The following DSCAM variants were observed in gnomAD, a reference collection of about 807,000 sequenced individuals.
DSCAM encodes the protein DS cell adhesion molecule.
DSCAM carries 47 observed loss-of-function variants against 217.7 expected under a neutral mutation model. The ratio of observed to expected loss-of-function variants is 0.22; its 90% CI spans 0.17 to 0.28. The LOEUF (loss-of-function observed/expected upper bound fraction) is 0.28. Ranked by LOEUF, DSCAM falls within the 10% of genes least tolerant of loss-of-function variation. The pLI is 1.00. For missense variants in DSCAM, 2,080 were observed against 2,618.3 expected (o/e 0.79, Z 4.49); for synonymous variants, 1,056 against 1,015.3 (o/e 1.04, Z -0.76).
At chr21:40,329,524 G>A (rs950521144) in intron 8 of DSCAM, among the ~76,000 whole-genome samples, 3 of 151,842 alleles carry the variant, frequency 2.0e-5, no homozygotes, top group African/African-American at 7.3e-5. Flanking sequence ...TGAGGCAGGA[G>A]AATCACTTGA....
At chr21:40,020,565 G>C (rs1445226682) in intron 32 of DSCAM, among the ~76,000 whole-genome samples, 1 of 151,896 alleles carries the variant, frequency 6.6e-6, no homozygotes, top group East Asian at 1.9e-4. Flanking sequence ...ATATGGGAGG[G>C]AAAATCTAAC....
At chr21:40,793,115 G>A (rs2091661425) in intron 1 of DSCAM, among the ~76,000 whole-genome samples, 2 of 152,204 alleles carry the variant, frequency 1.3e-5, no homozygotes, top group African/African-American at 4.8e-5. Context: ...TAAGGTGATA[G>A]ATGTTTGCAC....
At chr21:40,735,344 T>C (rs2091052447) in intron 1 of DSCAM, among the ~76,000 whole-genome samples, 1 of 152,208 alleles carries the variant, frequency 6.6e-6, no homozygotes, top group Admixed American at 6.5e-5. Flanking sequence ...AAGGAACGTA[T>C]ACAATTTACA....
At chr21:40,051,025 T>G (rs2088922497) in intron 30 of DSCAM, among the ~76,000 whole-genome samples, 1 of 152,196 alleles carries the variant, frequency 6.6e-6, no homozygotes, top group African/African-American at 2.4e-5. Flanking sequence ...GGCAATGGGT[T>G]TACTTCATAA....
chr21:40,062,927 A>G (rs754488941), intron 27 of DSCAM, 28 bp from the exon 28 acceptor site: 5 of 1,582,716 alleles, frequency 3.2e-6, no homozygotes, highest in Non-Finnish European at 4.3e-6. Context: ...ACATTAGTAC[A>G]TGGTAAATAA....
intron 3 of DSCAM, among the ~76,000 whole-genome samples, chr21:40,411,452 T>C (rs928821704): frequency 1.3e-5 from 2 of 152,192 alleles, no homozygotes; most frequent in Non-Finnish European, 2.9e-5. Flanking sequence ...TGAATTTTGA[T>C]ACTGCAAGTA....
chr21:40,365,445 G>A (rs953268601), intron 4 of DSCAM, among the ~76,000 whole-genome samples: 1 of 152,152 alleles, frequency 6.6e-6, no homozygotes, highest in Non-Finnish European at 1.5e-5. Flanking sequence ...CTACTTTGAA[G>A]GTTTTGGGAA....
rs947737399 is a variant in DSCAM, at chr21:40,012,463, A to T, written c.*571T>A. 2 of 152,164 alleles carry T rather than the reference A, an allele frequency of 1.3e-5. No homozygotes were observed. Among genetic ancestry groups the T allele is most frequent in the African/African-American group, 4.8e-5 (2 of 41,414 alleles). 9.4% of individuals were successfully genotyped at this position (152,164 alleles called of 1,614,324 possible). A position where few individuals can be genotyped will look rare whatever the true frequency, so the allele number is the denominator to read the frequency against. On this transcript the variant is annotated 3_prime_UTR_variant, in exon 33 of 33. Coordinates refer to ENST00000400454, the MANE Select transcript of DSCAM (RefSeq NM_001389.5). Reference sequence around the variant, plus strand: ...TATTTCGCTTAGACAAAATGCAAAGAGTGTCTCATTAAATTAAAAAAGAAA... The same window carrying T: ...TATTTCGCTTAGACAAAATGCAAAGTGTGTCTCATTAAATTAAAAAAGAAA...
chr21:40,272,999 C>T (rs1313817300), intron 11 of DSCAM, among the ~76,000 whole-genome samples: 4 of 152,104 alleles, frequency 2.6e-5, no homozygotes, highest in African/African-American at 9.7e-5. Flanking sequence ...GAGTATTAGA[C>T]AAGGATGAAA....
chr21:40,840,423 T>C (rs776600399), intron 1 of DSCAM, among the ~76,000 whole-genome samples: 6 of 152,190 alleles, frequency 3.9e-5, no homozygotes, highest in Non-Finnish European at 7.3e-5. Flanking sequence ...TGTTTCTGGC[T>C]GGCTTTCAAA....
intron 3 of DSCAM, among the ~76,000 whole-genome samples, chr21:40,504,706 C>T (rs904163809): frequency 6.6e-6 from 1 of 152,150 alleles, no homozygotes; most frequent in Non-Finnish European, 1.5e-5. Flanking sequence ...TCCAATGGAA[C>T]CTGGACTCCC....
Position 40,040,927 on chromosome 21 carries a change from G to GA in DSCAM, c.5686+1443dup, listed in dbSNP as rs5741836. ...CCTTGCAAATAAATGCCAACAACAC[G>GA]AAAAAAAAAAAATAGTTGAAATAAA... On this transcript the variant is annotated intron_variant, in intron 32 of 32. Coordinates refer to ENST00000400454, the MANE Select transcript of DSCAM (RefSeq NM_001389.5). Among the ~76,000 whole-genome samples, 364 of 147,262 alleles carry GA rather than the reference G, an allele frequency of 2.5e-3. 1 individual carries two copies. Among genetic ancestry groups the GA allele is most frequent in the South Asian group, 2.2e-3 (10 of 4,650 alleles).
intron 3 of DSCAM, among the ~76,000 whole-genome samples, chr21:40,579,629 T>A (rs184641470): frequency 6.6e-6 from 1 of 152,224 alleles, no homozygotes; most frequent in Admixed American, 6.5e-5. Context: ...GCCAGAGAAA[T>A]ATATTCCAAC....
chr21:40,595,214 C>CA (rs1174355034), intron 3 of DSCAM, among the ~76,000 whole-genome samples: 1 of 151,868 alleles, frequency 6.6e-6, no homozygotes, highest in African/African-American at 2.4e-5. Context: ...CCCGTCTCTC[C>CA]AAAAAATACA....
At chr21:40,533,697 T>TCATC (rs2076472580) in intron 3 of DSCAM, among the ~76,000 whole-genome samples, 4 of 125,522 alleles carry the variant, frequency 3.2e-5, no homozygotes, top group Non-Finnish European at 5.2e-5. Flanking sequence ...ATCCATCCAT[T>TCATC]CATCCATCCA....
At chr21:40,825,369 G>A (rs1407914723) in intron 1 of DSCAM, among the ~76,000 whole-genome samples, 1 of 150,958 alleles carries the variant, frequency 6.6e-6, no homozygotes, top group Non-Finnish European at 1.5e-5. Flanking sequence ...CCAGGCTGGA[G>A]TGCAATGGCA....
chr21:40,079,207 T>A (rs1308636811), intron 25 of DSCAM, among the ~76,000 whole-genome samples: 1 of 152,046 alleles, frequency 6.6e-6, no homozygotes, highest in East Asian at 1.9e-4. Flanking sequence ...TGGGTGGAGG[T>A]TATTTTGGGG....
At chr21:40,272,955 G>T (rs9974555) in intron 11 of DSCAM, among the ~76,000 whole-genome samples, 43,997 of 151,822 alleles carry the variant, frequency 0.29, 7,133 homozygotes, top group South Asian at 0.37. Flanking sequence ...CATTAGAGTT[G>T]CTAAAGACAC....
At chr21:40,179,926 A>C (rs2090781008) in intron 14 of DSCAM, among the ~76,000 whole-genome samples, 1 of 152,164 alleles carries the variant, frequency 6.6e-6, no homozygotes, top group Non-Finnish European at 1.5e-5. Context: ...GGGATGAAAA[A>C]AGGAGGGCCC....
Sources: gnomAD v4.1 joint callset for allele counts (sites outside exome capture counted in the v4.1 genomes callset) on GRCh38, gnomAD v4.1.1 for gene constraint, MANE v1.5 for transcripts, NCBI Gene and HGNC (gene_info 2026-07-23, HGNC 2026-07-21) for gene names.